The following ROBO1 variants were observed in gnomAD, a reference collection of about 807,000 sequenced individuals.
ROBO1 encodes roundabout guidance receptor 1, also known as roundabout homolog 1.
In ROBO1, 149 loss-of-function variants were observed where a neutral mutation model predicts 195.9. That is an observed-to-expected ratio of 0.76 (90% confidence interval 0.67 to 0.87). ROBO1 has a LOEUF of 0.87. ROBO1 is among the 40% of genes least tolerant of loss of function. The probability of loss-of-function intolerance (pLI) is 0.00; values close to 1 mark genes in which losing one functional copy is unlikely to be tolerated. For synonymous variants in ROBO1, 816 were observed against 733.2 expected, an observed-to-expected ratio of 1.11 and a Z score of -1.82; for missense variants, 1,933 against 2,068.3, an observed-to-expected ratio of 0.93 and a Z score of 1.27.
intron 1 of ROBO1, among the ~76,000 whole-genome samples, chr3:79,699,666 A>G (rs1218744388): frequency 6.6e-6 from 1 of 150,640 alleles, no homozygotes; most frequent in African/African-American, 2.4e-5. Context: ...TTTTTTTTTC[A>G]TAATTATAGA....
chr3:79,661,017 G>T (rs1560078179), intron 1 of ROBO1, among the ~76,000 whole-genome samples: 1 of 152,004 alleles, frequency 6.6e-6, no homozygotes, highest in South Asian at 2.1e-4. Context: ...ATCCTAAAGG[G>T]CCTGATCCAA....
chr3:79,598,617 GA>G (rs1238850523), intron 1 of ROBO1, among the ~76,000 whole-genome samples: 2 of 151,764 alleles, frequency 1.3e-5, no homozygotes, highest in African/African-American at 4.8e-5. Context: ...CTCACTCAAG[GA>G]AAGTCTGAGC....
intron 4 of ROBO1, among the ~76,000 whole-genome samples, chr3:78,798,965 C>A (rs571337516): frequency 6.6e-6 from 1 of 152,172 alleles, no homozygotes; most frequent in South Asian, 2.1e-4. Context: ...CAAAACAAAG[C>A]ATGCAGGTGG....
At chr3:78,827,948 A>G (rs970828367) in intron 4 of ROBO1, among the ~76,000 whole-genome samples, 1 of 152,226 alleles carries the variant, frequency 6.6e-6, no homozygotes, top group African/African-American at 2.4e-5. Flanking sequence ...TTTGGTTCCC[A>G]TGGCATAGCC....
chr3:79,220,975 C>T (rs2082127536), intron 2 of ROBO1, among the ~76,000 whole-genome samples: 1 of 151,982 alleles, frequency 6.6e-6, no homozygotes, highest in Non-Finnish European at 1.5e-5. Context: ...CTCCCACAAC[C>T]TTAACCCTGT....
In ROBO1 at chr3:78,903,965, GA is replaced by G. The variant is rs574958501; in HGVS notation, c.499+34635del. Among the ~76,000 whole-genome samples, 65 of 151,660 alleles carry G rather than the reference GA, an allele frequency of 4.3e-4. 1 individual carries two copies. The highest frequency in any genetic ancestry group is 1.6e-3 in the African/African-American group (65 of 41,384). On this transcript the variant is annotated intron_variant, in intron 4 of 30. Transcript: ENST00000464233. ...TATTCTCCTGATCTACAAAATAGAA[GA>G]AAAAAAATTTTCTTATCTCAGAACA...
rs147240472 is a variant in ROBO1 at position 79,266,506 on chromosome 3, T to C, written c.89-140967A>G. Among the ~76,000 whole-genome samples, 479 of 151,694 alleles carry C rather than the reference T, an allele frequency of 3.2e-3. 3 individuals are homozygous for C. The highest frequency in any genetic ancestry group is 0.011 in the African/African-American group (444 of 41,520). ...TCTTCTCTCTGTGTGGTGGTTGCTA[T>C]AGCTGCTTCAAGAATCCCAAACATT... is the stretch of plus-strand genomic sequence containing the variant. On this transcript the variant is annotated intron_variant, in intron 2 of 30. Coordinates refer to ENST00000464233, the MANE Select transcript of ROBO1 (RefSeq NM_002941.4).
chr3:79,534,413 G>C (rs1248158812), intron 2 of ROBO1, among the ~76,000 whole-genome samples: 1 of 103,396 alleles, frequency 9.7e-6, no homozygotes, highest in Non-Finnish European at 2.2e-5. Flanking sequence ...GTCTTTCCTA[G>C]TTTCTCTCTG....
intron 2 of ROBO1, among the ~76,000 whole-genome samples, chr3:79,358,739 C>T (rs948719576): frequency 6.6e-6 from 1 of 151,882 alleles, no homozygotes; most frequent in African/African-American, 2.4e-5. Context: ...AACTAAATAC[C>T]TCTTTTCTCA....
chr3:79,034,441 A>G (rs2078348408), intron 3 of ROBO1, among the ~76,000 whole-genome samples: 1 of 152,140 alleles, frequency 6.6e-6, no homozygotes, highest in African/African-American at 2.4e-5. Flanking sequence ...CTGGGAGTGA[A>G]GAACGAAGGA....
At chr3:78,923,413 G>A (rs1219497115) in intron 4 of ROBO1, among the ~76,000 whole-genome samples, 1 of 152,106 alleles carries the variant, frequency 6.6e-6, no homozygotes, top group Non-Finnish European at 1.5e-5. Context: ...GAAAGGGACT[G>A]ATTAATATCT....
chr3:79,017,761 C>G (rs910543608), intron 3 of ROBO1, among the ~76,000 whole-genome samples: 5 of 152,222 alleles, frequency 3.3e-5, no homozygotes, highest in African/African-American at 1.2e-4. Flanking sequence ...TGAGAATCCC[C>G]AGGCAACTCC....
At chr3:79,204,184 A>G (rs138193335) in intron 2 of ROBO1, among the ~76,000 whole-genome samples, 40 of 152,300 alleles carry the variant, frequency 2.6e-4, no homozygotes, top group African/African-American at 8.9e-4. Flanking sequence ...TGTGATATTC[A>G]TCACTTCAAA....
intron 2 of ROBO1, among the ~76,000 whole-genome samples, chr3:79,473,907 A>G (rs1938414712): frequency 6.6e-6 from 1 of 152,146 alleles, no homozygotes; most frequent in Admixed American, 6.6e-5. Context: ...ACTTCCTATT[A>G]GCCAGAGAGC....
intron 21 of ROBO1, among the ~76,000 whole-genome samples, chr3:78,645,307 C>A (rs1254549779): frequency 6.6e-6 from 1 of 151,714 alleles, no homozygotes; most frequent in Non-Finnish European, 1.5e-5. Flanking sequence ...ATATCTTACT[C>A]ATTGTTATCT....
chr3:79,195,156 T>C (rs575444311), intron 2 of ROBO1, among the ~76,000 whole-genome samples: 5 of 151,568 alleles, frequency 3.3e-5, no homozygotes, highest in South Asian at 2.1e-4. Context: ...GGCTGGTCAT[T>C]TGACTACTCC....
chr3:78,881,005 T>A (rs1435443472), intron 4 of ROBO1, among the ~76,000 whole-genome samples: 1 of 152,170 alleles, frequency 6.6e-6, no homozygotes, highest in Non-Finnish European at 1.5e-5. Flanking sequence ...ACTAGCGTAT[T>A]CTCTTTGGAT....
At chr3:79,206,903 T>C (rs1333689296) in intron 2 of ROBO1, among the ~76,000 whole-genome samples, 1 of 152,194 alleles carries the variant, frequency 6.6e-6, no homozygotes, top group African/African-American at 2.4e-5. Flanking sequence ...ACTTGATTCA[T>C]AAAATATGTT....
chr3:79,445,490 T>G lies in ROBO1; in HGVS notation c.88+144334A>C, dbSNP rs1156552184. On this transcript the variant is annotated intron_variant, in intron 2 of 30. Coordinates refer to ENST00000464233, the MANE Select transcript of ROBO1 (RefSeq NM_002941.4). ...AAACAATACAGAAATTGTTTTTTTT[T>G]TTTTTTTTTTTGGCGTTTTGTTTTA... 2.1e-3 allele frequency among the ~76,000 whole-genome samples: 309 copies of G among 149,362 alleles called. 3 individuals carry two copies. Among genetic ancestry groups the G allele is most frequent in the African/African-American group, 7.1e-3 (288 of 40,686 alleles).
Sources: gnomAD v4.1 joint callset for allele counts (sites outside exome capture counted in the v4.1 genomes callset) on GRCh38, gnomAD v4.1.1 for gene constraint, MANE v1.5 for transcripts, NCBI Gene and HGNC (gene_info 2026-07-23, HGNC 2026-07-21) for gene names.